The following BCL2 variants were observed in gnomAD, a reference collection of about 807,000 sequenced individuals.
BCL2 encodes apoptosis regulator Bcl-2.
A neutral mutation model predicts 14.2 loss-of-function variants in BCL2; 1 was observed. That is an observed-to-expected ratio of 0.07 (90% CI 0.02 to 0.33). BCL2 has a LOEUF of 0.33. Among genes scored for constraint, BCL2 ranks in the 10% least tolerant of loss-of-function variants. BCL2 has a pLI of 0.99. For synonymous variants in BCL2, 151 were observed against 137.2 expected (o/e 1.10, Z -0.70); for missense variants, 247 against 305.9 (o/e 0.81, Z 1.44).
At chr18:63,145,908 G>A (rs562266749) in intron 2 of BCL2, among the ~76,000 whole-genome samples, 2 of 152,268 alleles carry the variant, frequency 1.3e-5, no homozygotes, top group South Asian at 4.2e-4. Context: ...GCTGAACAGC[G>A]AGGAGTTGGT....
intron 2 of BCL2, among the ~76,000 whole-genome samples, chr18:63,192,692 A>G (rs1909321332): frequency 6.6e-6 from 1 of 152,092 alleles, no homozygotes. Context: ...TTGCCATTGC[A>G]TCAGCTCCAA....
At chr18:63,309,617 G>T (rs949429048) in intron 2 of BCL2, among the ~76,000 whole-genome samples, 1 of 151,910 alleles carries the variant, frequency 6.6e-6, no homozygotes, top group South Asian at 2.1e-4. Flanking sequence ...GGTCTCCCCC[G>T]TCCAGGCTCA....
chr18:63,188,534 T>C (rs1284401986), intron 2 of BCL2, among the ~76,000 whole-genome samples: 1 of 152,174 alleles, frequency 6.6e-6, no homozygotes, highest in Non-Finnish European at 1.5e-5. Flanking sequence ...AGTTTAATTA[T>C]ATAGGTGATA....
intron 2 of BCL2, among the ~76,000 whole-genome samples, chr18:63,172,380 G>C (rs577472534): frequency 1.3e-5 from 2 of 152,314 alleles, no homozygotes; most frequent in South Asian, 4.1e-4. Context: ...TGGTCCTGAA[G>C]AACTGGTGAG....
chr18:63,222,440 G>A (rs936113773), intron 2 of BCL2, among the ~76,000 whole-genome samples: 1 of 151,234 alleles, frequency 6.6e-6, no homozygotes, highest in Admixed American at 6.6e-5. Flanking sequence ...TAAATCCTAA[G>A]AACTGGAAAG....
intron 2 of BCL2, among the ~76,000 whole-genome samples, chr18:63,266,660 A>AAT (rs1911840840): frequency 1.4e-5 from 2 of 143,526 alleles, no homozygotes; most frequent in South Asian, 4.5e-4. Flanking sequence ...CACACACAAA[A>AAT]ATATATATAT....
chr18:63,225,303 G>A (rs1231175467), intron 2 of BCL2, among the ~76,000 whole-genome samples: 1 of 151,616 alleles, frequency 6.6e-6, no homozygotes, highest in East Asian at 1.9e-4. Context: ...GGGAGAGGAA[G>A]CTGTGGATAT....
chr18:63,295,212 GA>G (rs1912766489), intron 2 of BCL2, among the ~76,000 whole-genome samples: 1 of 151,474 alleles, frequency 6.6e-6, no homozygotes. Flanking sequence ...ATAATTCATA[GA>G]AAGTGTAGGG....
At chr18:63,194,940 T>C (rs980470261) in intron 2 of BCL2, among the ~76,000 whole-genome samples, 3 of 152,230 alleles carry the variant, frequency 2.0e-5, no homozygotes, top group African/African-American at 4.8e-5. Flanking sequence ...GTCACCTCTA[T>C]AGAAGAGCCA....
intron 2 of BCL2, among the ~76,000 whole-genome samples, chr18:63,284,779 A>G (rs1410563101): frequency 6.6e-6 from 1 of 152,040 alleles, no homozygotes; most frequent in Non-Finnish European, 1.5e-5. Flanking sequence ...TTTGGTTGCA[A>G]TGTATTCCAG....
At chr18:63,275,436 A>G (rs1241353516) in intron 2 of BCL2, among the ~76,000 whole-genome samples, 1 of 152,096 alleles carries the variant, frequency 6.6e-6, no homozygotes, top group Admixed American at 6.5e-5. Context: ...CGGGACCACT[A>G]AACCAAACCT....
chr18:63,287,495 G>A (rs894195442), intron 2 of BCL2, among the ~76,000 whole-genome samples: 18 of 152,146 alleles, frequency 1.2e-4, no homozygotes, highest in African/African-American at 4.1e-4. Flanking sequence ...AAGGGTTAGG[G>A]GGTGGCGGGC....
chr18:63,194,650 T>C (rs1909393516), intron 2 of BCL2, among the ~76,000 whole-genome samples: 1 of 152,230 alleles, frequency 6.6e-6, no homozygotes, highest in African/African-American at 2.4e-5. Flanking sequence ...ATTATGCTTA[T>C]GAACTACAAA....
At chr18:63,140,658 A>G (rs906472018) in intron 2 of BCL2, among the ~76,000 whole-genome samples, 12 of 152,208 alleles carry the variant, frequency 7.9e-5, no homozygotes, top group Non-Finnish European at 1.6e-4. Context: ...CGGGGAGACT[A>G]GGGAGTCATT....
chr18:63,241,547 A>G (rs1442278479), intron 2 of BCL2, among the ~76,000 whole-genome samples: 1 of 152,014 alleles, frequency 6.6e-6, no homozygotes, highest in Non-Finnish European at 1.5e-5. Flanking sequence ...TGAACTTGAC[A>G]CTCTCCTGGG....
intron 2 of BCL2, among the ~76,000 whole-genome samples, chr18:63,249,945 G>A (rs926339227): frequency 1.5e-4 from 23 of 152,082 alleles, no homozygotes; most frequent in African/African-American, 5.3e-4. Context: ...AGTACCCACC[G>A]AATGCCGCAC....
chr18:63,167,497 G>C (rs1186804466), intron 2 of BCL2, among the ~76,000 whole-genome samples: 1 of 152,110 alleles, frequency 6.6e-6, no homozygotes, highest in Non-Finnish European at 1.5e-5. Context: ...AATAGGACTG[G>C]GGCCAGGTGT....
At chr18:63,195,941 A>G (rs1040746616) in intron 2 of BCL2, among the ~76,000 whole-genome samples, 5 of 152,238 alleles carry the variant, frequency 3.3e-5, no homozygotes, top group Non-Finnish European at 7.3e-5. Context: ...CAGAGAAAAT[A>G]AAAGGTTTTT....
At chr18:63,177,565 C>T (rs1195340394) in intron 2 of BCL2, among the ~76,000 whole-genome samples, 1 of 152,204 alleles carries the variant, frequency 6.6e-6, no homozygotes, top group East Asian at 1.9e-4. Flanking sequence ...CTGTCCCTGG[C>T]GCGTTTAGAC....
Sources: gnomAD v4.1 joint callset for allele counts (sites outside exome capture counted in the v4.1 genomes callset) on GRCh38, gnomAD v4.1.1 for gene constraint, MANE v1.5 for transcripts, NCBI Gene and HGNC (gene_info 2026-07-23, HGNC 2026-07-21) for gene names.